Variants in CA5B observed in about 807,000 individuals in gnomAD.
The protein encoded by CA5B is carbonic anhydrase 5B.
A neutral mutation model predicts 23.1 loss-of-function variants in CA5B; 15 were observed. The observed-to-expected ratio is 0.65, with a 90% CI of 0.43 to 1.00. The LOEUF is 1.00. Among genes scored for constraint, CA5B ranks in the 50% least tolerant of loss-of-function variants. The pLI is 0.00. For missense variants in CA5B, 236 were observed against 252.2 expected (o/e 0.94, Z 0.43); for synonymous variants, 84 against 98.5 (o/e 0.85, Z 0.87).
chrX:15,772,377 T>C (rs1931836694), intron 3 of CA5B, 119 bp from the exon 4 acceptor site: 1 of 455,596 alleles, frequency 2.2e-6, no homozygotes, highest in African/African-American at 2.4e-5. Context: ...TTGTATATAA[T>C]TCAGTGTAAT....
At chrX:15,769,460 C>T in intron 3 of CA5B, 1 of 752,592 alleles carries the variant, frequency 1.3e-6, no homozygotes, top group Non-Finnish European at 1.6e-6. Context: ...TTATCATCTC[C>T]TCTGGAATTC....
At chrX:15,753,240 T>C (rs181855728) in intron 2 of CA5B, among the ~76,000 whole-genome samples, 1 of 112,612 alleles carries the variant, frequency 8.9e-6, no homozygotes, top group Admixed American at 9.4e-5. Context: ...CAACACTTGG[T>C]TTGGCCTAGA....
At chrX:15,767,788 C>G (rs1283019399) in intron 3 of CA5B, among the ~76,000 whole-genome samples, 1 of 108,480 alleles carries the variant, frequency 9.2e-6, no homozygotes, top group African/African-American at 3.4e-5. Context: ...CAGGGTTTCA[C>G]CATGTTGGCC....
intron 3 of CA5B, chrX:15,767,138 T>C (rs924873875): frequency 2.6e-6 from 2 of 775,889 alleles, no homozygotes; most frequent in Non-Finnish European, 3.1e-6. Flanking sequence ...TCTGCATGCA[T>C]AGTAATCCTT....
intron 1 of CA5B, among the ~76,000 whole-genome samples, chrX:15,740,423 A>G (rs1931095710): frequency 2.7e-5 from 3 of 112,832 alleles, no homozygotes; most frequent in Admixed American, 1.9e-4. Flanking sequence ...AACAGAGAGG[A>G]TAGACCTTAG....
chrX:15,775,962 T>G (rs1316874704), intron 6 of CA5B: 1 of 749,187 alleles, frequency 1.3e-6, no homozygotes, highest in African/African-American at 2.3e-5. Flanking sequence ...TTTTTCCCTC[T>G]CTTTCCTTTT....
rs1275563353 is a variant in CA5B, at chrX:15,754,640, A to G, written c.142+4475A>G. 2.7e-5 allele frequency among the ~76,000 whole-genome samples: 3 copies of G among 112,704 alleles called. No individual in the cohort carries two copies. The Admixed American group carries it at 2.8e-4, about 11-fold the overall frequency. On this transcript the variant is annotated intron_variant, in intron 2 of 7. Transcript: ENST00000318636. ...ATAAAATCAGTTTCCCTTAGGTATC[A>G]TCTGGTGAAATTTAGTCTAATGGTC...
intron 2 of CA5B, among the ~76,000 whole-genome samples, chrX:15,757,871 A>C (rs1017761039): frequency 2.7e-5 from 3 of 111,490 alleles, no homozygotes; most frequent in African/African-American, 9.8e-5. Context: ...ATGGGTTCTA[A>C]TAGGAAAACC....
chrX:15,761,032 C>A (rs1168017978), intron 2 of CA5B, among the ~76,000 whole-genome samples: 1 of 111,325 alleles, frequency 9.0e-6, no homozygotes, highest in African/African-American at 3.3e-5. Flanking sequence ...AATTTAAGAT[C>A]ATCTTTCCCT....
chrX:15,744,225 G>A (rs192484919), intron 1 of CA5B, among the ~76,000 whole-genome samples: 173 of 113,054 alleles, frequency 1.5e-3, no homozygotes, highest in Admixed American at 2.5e-3. Flanking sequence ...GGCCCTGGCC[G>A]TCAGCCCCAG....
At chrX:15,755,568 A>G (rs1342716902) in intron 2 of CA5B, among the ~76,000 whole-genome samples, 3 of 112,521 alleles carry the variant, frequency 2.7e-5, no homozygotes, top group Non-Finnish European at 5.6e-5. Flanking sequence ...TAAAAAGCAC[A>G]TGAGGGTATA....
intron 1 of CA5B, among the ~76,000 whole-genome samples, chrX:15,748,241 C>T (rs1931278404): frequency 8.9e-6 from 1 of 112,041 alleles, no homozygotes; most frequent in Admixed American, 9.4e-5. Context: ...TTTCTATTGG[C>T]ACAACTGCCA....
At chrX:15,749,721 C>G (rs1464172481) in intron 1 of CA5B, among the ~76,000 whole-genome samples, 1 of 109,562 alleles carries the variant, frequency 9.1e-6, no homozygotes, top group Non-Finnish European at 1.9e-5. Flanking sequence ...CTCTGGATTT[C>G]TAATATTCGC....
chrX:15,769,297 T>A (rs1035457912), intron 3 of CA5B, among the ~76,000 whole-genome samples: 1 of 111,945 alleles, frequency 8.9e-6, no homozygotes, highest in Non-Finnish European at 1.9e-5. Context: ...AGAGAAGGTA[T>A]GTGAACATCT....
In CA5B at chrX:15,788,263, G is replaced by C. The variant is rs922034315; in HGVS notation, c.*5599G>C. On this transcript the variant is annotated 3_prime_UTR_variant, in exon 8 of 8. Transcript: ENST00000318636. ...ACAGCGCCTCATCCCCTCTTGAGGG[G>C]TCAGGAAGTTTTCACACTAATGATG... is the stretch of plus-strand genomic sequence containing the variant. 7 of 112,007 alleles carry C rather than the reference G, an allele frequency of 6.2e-5. No individual in the cohort carries two copies. The highest frequency in any genetic ancestry group is 9.7e-5 in the African/African-American group (3 of 30,827). 9.2% of individuals were successfully genotyped at this position (112,007 alleles called of 1,213,427 possible). A position where few individuals can be genotyped will look rare whatever the true frequency, so the allele number is the denominator to read the frequency against.
chrX:15,751,072 T>C (rs1320666048), intron 2 of CA5B, among the ~76,000 whole-genome samples: 3 of 112,376 alleles, frequency 2.7e-5, no homozygotes, highest in Non-Finnish European at 3.8e-5. Context: ...TGTGTGTATT[T>C]GTGAACAGAT....
intron 3 of CA5B, among the ~76,000 whole-genome samples, chrX:15,770,934 A>AT (rs1348803220): frequency 9.4e-6 from 1 of 106,913 alleles, no homozygotes; most frequent in Non-Finnish European, 1.9e-5. Flanking sequence ...TGCCCAGCTA[A>AT]TTTTTTTTTA....
At chrX:15,739,137 G>A (rs1030926258) in intron 1 of CA5B, among the ~76,000 whole-genome samples, 1 of 112,010 alleles carries the variant, frequency 8.9e-6, no homozygotes, top group Non-Finnish European at 1.9e-5. Context: ...GTGTATTTTC[G>A]CTGGGAAAGT....
At chrX:15,759,505 G>A (rs1338696808) in intron 2 of CA5B, among the ~76,000 whole-genome samples, 2 of 111,314 alleles carry the variant, frequency 1.8e-5, no homozygotes, top group East Asian at 2.8e-4. Flanking sequence ...CTGGTGCCTC[G>A]ATCTTGGACT....
Sources: gnomAD v4.1 joint callset for allele counts (sites outside exome capture counted in the v4.1 genomes callset) on GRCh38, gnomAD v4.1.1 for gene constraint, MANE v1.5 for transcripts, NCBI Gene and HGNC (gene_info 2026-07-23, HGNC 2026-07-21) for gene names.